The following IRAG1 variants were observed in gnomAD, a reference collection of about 807,000 sequenced individuals.
IRAG1 encodes IP3R-associated cGMP kinase substrate.
In IRAG1, 62 loss-of-function variants were observed where a neutral mutation model predicts 106.2. The ratio of observed to expected loss-of-function variants is 0.58; its 90% confidence interval spans 0.48 to 0.72. The LOEUF is 0.72. Among genes scored for constraint, IRAG1 ranks in the 30% least tolerant of loss-of-function variants. The pLI is 0.00. For synonymous variants in IRAG1, 462 were observed against 443.9 expected (o/e 1.04, Z -0.51); for missense variants, 1,064 against 1,140.7 (o/e 0.93, Z 0.97).
chr11:10,582,528 T>A (rs1401471445), intron 18 of IRAG1, among the ~76,000 whole-genome samples: 1 of 152,194 alleles, frequency 6.6e-6, no homozygotes, highest in African/African-American at 2.4e-5. Flanking sequence ...TAATAACTTT[T>A]ATGAAAGAAA....
chr11:10,666,301 G>A (rs1482791323), intron 1 of IRAG1, among the ~76,000 whole-genome samples: 1 of 152,148 alleles, frequency 6.6e-6, no homozygotes, highest in African/African-American at 2.4e-5. Context: ...CATCTTACAG[G>A]TGAGAAAATT....
intron 1 of IRAG1, among the ~76,000 whole-genome samples, chr11:10,656,626 A>G (rs1401753124): frequency 2.0e-5 from 3 of 152,212 alleles, no homozygotes; most frequent in African/African-American, 7.2e-5. Flanking sequence ...ACTATGCTAA[A>G]TGTATTTCAA....
chr11:10,619,713 G>A lies in IRAG1; in HGVS notation c.1447+4065C>T, dbSNP rs115400946. 2.2e-3 allele frequency among the ~76,000 whole-genome samples: 334 copies of A among 152,262 alleles called. 1 individual carries two copies. The highest frequency in any genetic ancestry group is 7.6e-3 in the African/African-American group (315 of 41,534). On this transcript the variant is annotated intron_variant, in intron 10 of 20. Coordinates refer to ENST00000423302, the MANE Select transcript of IRAG1 (RefSeq NM_130385.4). Reference sequence around the variant, plus strand: ...AACATTACAGCAGCTTAGTGAAGTAGGTACTGTTATTAACCTCCTTTAAAA... The same window carrying A: ...AACATTACAGCAGCTTAGTGAAGTAAGTACTGTTATTAACCTCCTTTAAAA...
chr11:10,579,033 A>C (rs945300127), intron 20 of IRAG1, among the ~76,000 whole-genome samples: 1 of 152,164 alleles, frequency 6.6e-6, no homozygotes, highest in Non-Finnish European at 1.5e-5. Flanking sequence ...CTCAGGAGGG[A>C]GATGAGGCCT....
chr11:10,654,149 C>T (rs567986927), intron 1 of IRAG1, among the ~76,000 whole-genome samples: 3 of 152,276 alleles, frequency 2.0e-5, no homozygotes, highest in Admixed American at 1.3e-4. Flanking sequence ...GGTGTTCTTC[C>T]TGTCCTTCAG....
At chr11:10,594,093 A>T in intron 16 of IRAG1, 53 bp downstream of exon 16, 9 of 1,508,192 alleles carry the variant, frequency 6.0e-6, no homozygotes, top group Non-Finnish European at 8.1e-6. Flanking sequence ...GTGACCATGG[A>T]AACTTCTGTC....
chr11:10,626,170 C>A lies in IRAG1; in HGVS notation c.1164G>T (p.Pro388=). 6.5e-7 allele frequency: 1 copy of A among 1,542,744 alleles called. No homozygotes were observed. Among genetic ancestry groups the A allele is most frequent in the Non-Finnish European group, 8.7e-7 (1 of 1,144,172 alleles). The change falls in exon 9 of 21, where the codon CCG becomes CCT. Residue 388 remains proline (P), a synonymous_variant. Coordinates refer to ENST00000423302, the MANE Select transcript of IRAG1 (RefSeq NM_130385.4). ...TGTCCCAGGAGAGCCCTCGCAGCAG[C>A]GGGGGCCGGGACACAGTGGGTGGAA... ...AELPPTVSRP[P]LLRGLSWDSG... is the part of the protein sequence containing the mutation.
At chr11:10,596,182 A>G (rs994420947) in intron 15 of IRAG1, among the ~76,000 whole-genome samples, 1 of 152,190 alleles carries the variant, frequency 6.6e-6, no homozygotes, top group African/African-American at 2.4e-5. Flanking sequence ...TTTGAGTTCA[A>G]TTTCAATCTT....
intron 15 of IRAG1, among the ~76,000 whole-genome samples, chr11:10,597,984 C>G (rs2134271425): frequency 6.6e-6 from 1 of 152,362 alleles, no homozygotes; most frequent in East Asian, 1.9e-4. Flanking sequence ...CACGTACTTT[C>G]CCTATGAGGA....
intron 8 of IRAG1, 131 bp from the exon 9 acceptor site, chr11:10,626,714 G>T: frequency 9.3e-7 from 1 of 1,080,942 alleles, no homozygotes; most frequent in Non-Finnish European, 1.3e-6. Context: ...TGTGTATGGG[G>T]TATGAGTGGA....
At chr11:10,693,234 C>G (rs1056880496) in intron 1 of IRAG1, among the ~76,000 whole-genome samples, 5 of 152,128 alleles carry the variant, frequency 3.3e-5, no homozygotes, top group Non-Finnish European at 7.4e-5. Context: ...CACAGGAAAG[C>G]TAGGGGTTGC....
rs1327873871 is a variant in IRAG1 at position 10,626,099 on chromosome 11, T to C, written c.1235A>G (p.Lys412Arg). Reference sequence around the variant, plus strand: ...CTTTTCTTCCTCTGCCAGTGGCAGCTTGGCAAGCACTTTCTGCAGCCGGGG... The same window carrying C: ...CTTTTCTTCCTCTGCCAGTGGCAGCCTGGCAAGCACTTTCTGCAGCCGGGG... Reference protein sequence around the residue: ...PGPRLQKVLAKLPLAEEEKRF... With the variant: ...PGPRLQKVLARLPLAEEEKRF... The change falls in exon 9 of 21, where the codon AAG becomes AGG. Residue 412 changes from lysine (K) to arginine (R), a missense_variant. Lys to Arg is a conservative substitution (Grantham distance 26, BLOSUM62 2). Transcript: ENST00000423302. 2 of 1,546,224 alleles carry C rather than the reference T, an allele frequency of 1.3e-6. No individual in the cohort carries two copies. The highest frequency in any genetic ancestry group is 4.5e-5 in the East Asian group (2 of 43,970).
At chr11:10,675,849 G>C (rs1860612148) in intron 1 of IRAG1, among the ~76,000 whole-genome samples, 1 of 152,188 alleles carries the variant, frequency 6.6e-6, no homozygotes, top group Non-Finnish European at 1.5e-5. Flanking sequence ...CCTTTGCCCA[G>C]GTTACACTCC....
Position 10,626,449 on chromosome 11 carries a change from G to C in IRAG1, c.885C>G (p.Pro295=), listed in dbSNP as rs777614842. ...IAIEQKENFD[P]LQYPETTPKG... is the part of the protein sequence containing the mutation. ...TGGGTGTGGTCTCGGGGTACTGGAGGGGATCGAAGTTTTCCTTTTGTTCTA... is the reference window on the plus strand; with the variant it reads ...TGGGTGTGGTCTCGGGGTACTGGAGCGGATCGAAGTTTTCCTTTTGTTCTA... The change falls in exon 9 of 21, where the codon CCC becomes CCG. Residue 295 remains proline (P), a synonymous_variant. Coordinates refer to ENST00000423302, the MANE Select transcript of IRAG1 (RefSeq NM_130385.4). The C allele has an allele frequency of 6.2e-7, 1 of 1,613,802 alleles. No homozygotes were observed. The highest frequency in any genetic ancestry group is 8.5e-7 in the Non-Finnish European group (1 of 1,179,818).
intron 1 of IRAG1, among the ~76,000 whole-genome samples, chr11:10,655,719 TG>T (rs1393154224): frequency 6.6e-6 from 1 of 152,206 alleles, no homozygotes; most frequent in Non-Finnish European, 1.5e-5. Flanking sequence ...TCTGGGATTA[TG>T]GTCTGAAGTC....
chr11:10,615,482 C>T (rs1033592360), intron 10 of IRAG1, among the ~76,000 whole-genome samples: 4 of 152,152 alleles, frequency 2.6e-5, no homozygotes, highest in African/African-American at 9.7e-5. Flanking sequence ...CACATGCACA[C>T]GTATGTTTAT....
intron 1 of IRAG1, among the ~76,000 whole-genome samples, chr11:10,685,634 T>A (rs545139187): frequency 1.3e-5 from 2 of 150,532 alleles, no homozygotes; most frequent in South Asian, 4.2e-4. Flanking sequence ...GGTGGGAGGA[T>A]CACTTGAGCC....
intron 1 of IRAG1, among the ~76,000 whole-genome samples, chr11:10,667,346 G>A (rs984654866): frequency 1.4e-4 from 21 of 152,120 alleles, no homozygotes; most frequent in African/African-American, 2.2e-4. Flanking sequence ...TGCTGGCTGG[G>A]GTATGGCTGG....
intron 11 of IRAG1, among the ~76,000 whole-genome samples, 163 bp from the exon 12 acceptor site, chr11:10,606,935 G>C (rs1331533682): frequency 6.6e-6 from 1 of 152,178 alleles, no homozygotes; most frequent in Non-Finnish European, 1.5e-5. Context: ...TGTCACCTGT[G>C]AGATACTGAC....
Sources: allele counts gnomAD v4.1 joint callset (sites outside exome capture counted in the v4.1 genomes callset), GRCh38; gene constraint gnomAD v4.1.1; transcripts MANE v1.5; gene names NCBI Gene and HGNC (gene_info 2026-07-23, HGNC 2026-07-21).